The following THNSL1 variants were observed in gnomAD, a reference collection of about 807,000 sequenced individuals.
The protein encoded by THNSL1 is threonine synthase-like 1.
A neutral mutation model predicts 50.4 loss-of-function variants in THNSL1; 48 were observed. The observed-to-expected ratio is 0.95, with a 90% CI of 0.76 to 1.21. The LOEUF (loss-of-function observed/expected upper bound fraction) is 1.21, where lower values mean the gene tolerates loss of function less well. Among genes scored for constraint, THNSL1 ranks in the 50% most tolerant of loss-of-function variants. THNSL1 has a pLI of 0.00. For synonymous variants in THNSL1, 309 were observed against 306.1 expected, an observed-to-expected ratio of 1.01 and a Z score of -0.10; for missense variants, 896 against 871.7, an observed-to-expected ratio of 1.03 and a Z score of -0.35.
At chr10:24,991,927 A>T in the THNSL1 span, among the ~76,000 whole-genome samples, 1 of 152,180 alleles carries the variant, frequency 6.6e-6, no homozygotes, top group African/African-American at 2.4e-5. Flanking sequence ...TCAGAGCCTC[A>T]CAACCTGCCC....
chr10:24,985,242 A>G, the THNSL1 span, among the ~76,000 whole-genome samples: 1 of 152,228 alleles, frequency 6.6e-6, no homozygotes, highest in Non-Finnish European at 1.5e-5. Flanking sequence ...GTAAAAAACA[A>G]CTTAGAATGA....
the THNSL1 span, among the ~76,000 whole-genome samples, chr10:24,978,346 ACT>A: frequency 6.7e-6 from 1 of 149,158 alleles, no homozygotes; most frequent in East Asian, 2.0e-4. Context: ...ATCATTGGAA[ACT>A]CTCATTCTAG....
chr10:24,962,222 T>C, the THNSL1 span, among the ~76,000 whole-genome samples: 1 of 152,256 alleles, frequency 6.6e-6, no homozygotes, highest in African/African-American at 2.4e-5. Flanking sequence ...ATACATGTTA[T>C]ATCATATATT....
chr10:24,956,325 T>A, the THNSL1 span, among the ~76,000 whole-genome samples: 1 of 152,114 alleles, frequency 6.6e-6, no homozygotes, highest in East Asian at 1.9e-4. Flanking sequence ...GGTCAGACTG[T>A]CCATTTTCTA....
the THNSL1 span, among the ~76,000 whole-genome samples, chr10:24,995,112 G>GT: frequency 5.3e-5 from 8 of 152,246 alleles, no homozygotes; most frequent in African/African-American, 1.7e-4. Flanking sequence ...CTAGATTATT[G>GT]TACAGTACTT....
the THNSL1 span, among the ~76,000 whole-genome samples, chr10:24,976,974 A>C: frequency 2.6e-5 from 4 of 152,348 alleles, no homozygotes; most frequent in East Asian, 5.8e-4. Context: ...GGCCAAGGAC[A>C]GGGAAGGGAG....
chr10:25,011,893 A>G (rs1170055075), upstream of THNSL1, among the ~76,000 whole-genome samples: 1 of 152,238 alleles, frequency 6.6e-6, no homozygotes, highest in Non-Finnish European at 1.5e-5. Flanking sequence ...AACAATGGGG[A>G]AAATGTCTCC....
the THNSL1 span, among the ~76,000 whole-genome samples, chr10:25,011,029 C>G: frequency 6.7e-5 from 10 of 149,378 alleles, no homozygotes; most frequent in Non-Finnish European, 1.4e-4. Flanking sequence ...CACTGACTTC[C>G]ACAATGGTTG....
chr10:24,956,219 A>T, the THNSL1 span, among the ~76,000 whole-genome samples: 3 of 151,896 alleles, frequency 2.0e-5, no homozygotes, highest in Non-Finnish European at 4.4e-5. Flanking sequence ...GGTTAGGTGT[A>T]CAGATTATTT....
the THNSL1 span, chr10:24,982,609 T>C: frequency 7.2e-5 from 11 of 152,234 alleles, no homozygotes; most frequent in African/African-American, 2.7e-4. Context: ...ACTGGTCAGC[T>C]GTCCAAGTCA....
the THNSL1 span, among the ~76,000 whole-genome samples, chr10:24,978,375 C>T: frequency 7.0e-4 from 107 of 151,920 alleles, 2 homozygotes; most frequent in East Asian, 0.015. Context: ...GAACACATGT[C>T]ATTCCTTTTT....
Position 25,024,639 on chromosome 10 carries a change from C to G in THNSL1, c.1416C>G (p.Asn472Lys), listed in dbSNP as rs754437079. ...GTILSSANSI[N>K]WGRLLPQVVY... ...TCTTAAGTTCGGCTAACTCCATAAA[C>G]TGGGGCCGACTACTTCCGCAGGTAG... The change falls in exon 3 of 3, where the codon AAC becomes AAG. Residue 472 changes from asparagine to lysine, a missense_variant. Physicochemically the swap from Asn to Lys is moderately conservative, Grantham distance 94. Transcript: ENST00000376356. 2 of 1,614,212 alleles carry G rather than the reference C, an allele frequency of 1.2e-6. No individual in the cohort carries two copies. Among genetic ancestry groups the G allele is most frequent in the Admixed American group, 3.3e-5 (2 of 60,018 alleles).
the THNSL1 span, among the ~76,000 whole-genome samples, chr10:25,001,482 C>T: frequency 4.0e-5 from 6 of 151,824 alleles, no homozygotes; most frequent in East Asian, 1.9e-4. Context: ...TTTCCTCATC[C>T]GTTTTCTCCT....
the THNSL1 span, among the ~76,000 whole-genome samples, chr10:24,994,336 CT>C: frequency 0.016 from 2,186 of 137,576 alleles, 11 homozygotes; most frequent in African/African-American, 0.023. Flanking sequence ...ATTCTGCACT[CT>C]TTTTTTTTTT....
rs908185922 is a variant in THNSL1, at chr10:25,021,892, C to T, written c.-65C>T. ...TAAGGAAATGAATTACCTCCCTTGA[C>T]GGCTCTAATTTTACTTGTAAGTTAA... On this transcript the variant is annotated 5_prime_UTR_variant, in exon 2 of 3. The change creates a new upstream start codon in the 5' untranslated region. Coordinates refer to ENST00000376356, the MANE Select transcript of THNSL1 (RefSeq NM_024838.5). The T allele has an allele frequency of 1.3e-5, 2 of 152,098 alleles. No homozygotes were observed. Among genetic ancestry groups the T allele is most frequent in the Non-Finnish European group, 2.9e-5 (2 of 68,016 alleles). The allele number at this position is 152,098 out of a possible 1,614,324, so 9.4% of individuals were successfully genotyped here.
chr10:25,021,738 A>G lies in THNSL1; in HGVS notation c.-215-4A>G, dbSNP rs1451408723. On this transcript the variant is annotated splice_region_variant and splice_polypyrimidine_tract_variant and intron_variant, in intron 1 of 2. Transcript: ENST00000376356. ...TGATTAACTTAAATTTTTTTCCATT[A>G]TAGACTCCACGTTTTGCAAAGATCG... 2.6e-5 allele frequency: 4 copies of G among 152,194 alleles called. No homozygotes were observed. The highest frequency in any genetic ancestry group is 7.2e-5 in the African/African-American group (3 of 41,454). 9.4% of individuals were successfully genotyped at this position (152,194 alleles called of 1,614,324 possible).
the THNSL1 span, among the ~76,000 whole-genome samples, chr10:24,978,770 G>GAGACCAAACTCTTGTTTGC: frequency 6.6e-6 from 1 of 152,136 alleles, no homozygotes; most frequent in African/African-American, 2.4e-5. Context: ...GATCAGTTTG[G>GAGACCAAACTCTTGTTTGC]AGACCAAACT....
the THNSL1 span, among the ~76,000 whole-genome samples, chr10:24,971,943 T>G: frequency 6.6e-6 from 1 of 151,996 alleles, no homozygotes; most frequent in South Asian, 2.1e-4. Flanking sequence ...GTAATCTCAG[T>G]ACTTTGGGAG....
At chr10:25,009,094 C>T in the THNSL1 span, among the ~76,000 whole-genome samples, 33 of 151,598 alleles carry the variant, frequency 2.2e-4, no homozygotes, top group East Asian at 9.7e-4. Flanking sequence ...CATCACACAC[C>T]GGGGACTGTT....
Sources: allele counts gnomAD v4.1 joint callset (sites outside exome capture counted in the v4.1 genomes callset), GRCh38; gene constraint gnomAD v4.1.1; transcripts MANE v1.5; gene names NCBI Gene and HGNC (gene_info 2026-07-23, HGNC 2026-07-21).